The following PSMG2 variants were observed in gnomAD, a reference collection of about 807,000 sequenced individuals.
PSMG2 encodes CD40 ligand-activated specific transcript 3.
PSMG2 carries 21 observed loss-of-function variants against 31.5 expected under a neutral mutation model. The ratio of observed to expected loss-of-function variants is 0.67; its 90% CI spans 0.47 to 0.96. The LOEUF (loss-of-function observed/expected upper bound fraction) is 0.96. Ranked by LOEUF, PSMG2 falls within the 40% of genes least tolerant of loss-of-function variation. The pLI is 0.00. For missense variants in PSMG2, 318 were observed against 321.2 expected (o/e 0.99, Z 0.08); for synonymous variants, 120 against 110.4 (o/e 1.09, Z -0.54).
rs765652085 is a variant in PSMG2 at position 12,683,186 on chromosome 18, C to CAAAAAAAAAAAAAAAAAAAAAA, written c.-36-23346_-36-23345insAAAAAAAAAAAAAAAAAAAAAA. Among the ~76,000 whole-genome samples the CAAAAAAAAAAAAAAAAAAAAAA allele has an allele frequency of 3.0e-4, 19 of 63,670 alleles. 1 individual carries two copies. The highest frequency in any genetic ancestry group is 4.6e-4 in the Non-Finnish European group (15 of 32,436). 41.8% of individuals were successfully genotyped at this position (63,670 alleles called of 152,430 possible). On this transcript the variant is annotated intron_variant, in intron 1 of 6. Coordinates refer to the PSMG2 transcript ENST00000585331. ...GAAACCCCATCTCTACTAAAAATACCAAAAAAAAAAAAAAAAAAGCCAGGC... is the reference window on the plus strand; with the variant it reads ...GAAACCCCATCTCTACTAAAAATACCAAAAAAAAAAAAAAAAAAAAAAAAAAAAAAAAAAAAAAAAGCCAGGC...
intron 1 of PSMG2, chr18:12,661,391 C>CT: frequency 1.0e-6 from 1 of 981,364 alleles, no homozygotes; most frequent in Non-Finnish European, 1.2e-6. Context: ...CACTCAAAGG[C>CT]TACCAGCCAT....
At chr18:12,716,270 T>TA (rs2040375166) in intron 3 of PSMG2, among the ~76,000 whole-genome samples, 1 of 152,212 alleles carries the variant, frequency 6.6e-6, no homozygotes, top group South Asian at 2.1e-4. Flanking sequence ...GTTTTGCAGT[T>TA]AGAGTTGGTA....
At chr18:12,678,307 T>C (rs1013885052) in intron 1 of PSMG2, 2 of 1,614,194 alleles carry the variant, frequency 1.2e-6, no homozygotes, top group African/African-American at 2.7e-5. Flanking sequence ...CACAGGTTTC[T>C]ACTGCATCAG....
chr18:12,725,414 A>T, intron 6 of PSMG2, 25 bp from the exon 7 acceptor site: 2 of 1,505,268 alleles, frequency 1.3e-6, no homozygotes, highest in African/African-American at 1.4e-5. Flanking sequence ...TTTAAAGATT[A>T]AAATATTTTG....
At chr18:12,669,028 C>T (rs1341751682) in intron 1 of PSMG2, among the ~76,000 whole-genome samples, 4 of 121,616 alleles carry the variant, frequency 3.3e-5, no homozygotes, top group East Asian at 2.3e-4. Context: ...CCGCACCCCC[C>T]GCACTTTTTT....
At chr18:12,702,636 G>T (rs187355773), upstream of PSMG2, 2 of 1,432,122 alleles carry the variant, frequency 1.4e-6, no homozygotes, top group East Asian at 2.6e-5. Flanking sequence ...CGTTAGGAGC[G>T]ACTGGAGCAC....
intron 1 of PSMG2, among the ~76,000 whole-genome samples, chr18:12,694,053 A>C (rs1389012962): frequency 6.6e-6 from 1 of 152,038 alleles, no homozygotes; most frequent in Non-Finnish European, 1.5e-5. Context: ...AGCTGGTCCT[A>C]AACTGCTGGA....
intron 1 of PSMG2, among the ~76,000 whole-genome samples, chr18:12,680,235 A>T (rs2039295771): frequency 6.6e-6 from 1 of 152,144 alleles, no homozygotes; most frequent in African/African-American, 2.4e-5. Flanking sequence ...AAAGGCTCTA[A>T]CTAAAATCAT....
intron 1 of PSMG2, 126 bp from the exon 2 acceptor site, chr18:12,706,424 C>G (rs1005146122): frequency 2.2e-6 from 2 of 918,796 alleles, no homozygotes; most frequent in South Asian, 1.5e-5. Flanking sequence ...GAGGCAGAGG[C>G]TGCAGTGAGC....
chr18:12,707,170 G>T (rs2145134088), intron 2 of PSMG2, among the ~76,000 whole-genome samples: 1 of 152,268 alleles, frequency 6.6e-6, no homozygotes, highest in East Asian at 1.9e-4. Context: ...GTGTTAGCCA[G>T]GATGGTCTCA....
chr18:12,699,900 A>T, upstream of PSMG2: 3 of 1,591,454 alleles, frequency 1.9e-6, no homozygotes, highest in Non-Finnish European at 2.6e-6. Context: ...CTTGCTCAAC[A>T]CTGTCCTAGA....
intron 1 of PSMG2, among the ~76,000 whole-genome samples, chr18:12,677,430 C>G (rs1018431380): frequency 2.2e-5 from 3 of 134,524 alleles, no homozygotes; most frequent in Non-Finnish European, 4.6e-5. Flanking sequence ...GCGCTCCAGC[C>G]TGGGTGACAG....
At chr18:12,720,771 G>T in intron 5 of PSMG2, 88 bp downstream of exon 5, 2 of 1,328,516 alleles carry the variant, frequency 1.5e-6, no homozygotes, top group South Asian at 1.5e-5. Context: ...CTGCACTCTA[G>T]CCTGGGTGAC....
chr18:12,709,314 G>A (rs555109745), intron 2 of PSMG2, among the ~76,000 whole-genome samples: 3 of 151,720 alleles, frequency 2.0e-5, no homozygotes, highest in South Asian at 4.2e-4. Context: ...AAAGTGCTGG[G>A]ATTACAGGCG....
chr18:12,717,151 A>G (rs948317), intron 3 of PSMG2, among the ~76,000 whole-genome samples: 4 of 150,070 alleles, frequency 2.7e-5, no homozygotes, highest in Admixed American at 2.0e-4. Context: ...GTCTCACTAT[A>G]TTGCCTAGGC....
chr18:12,721,754 A>AT (rs1038139402), intron 5 of PSMG2, among the ~76,000 whole-genome samples: 1 of 150,382 alleles, frequency 6.6e-6, no homozygotes, highest in Non-Finnish European at 1.5e-5. Context: ...CCTAATCTTT[A>AT]TTTTTTTCCG....
upstream of PSMG2, chr18:12,700,946 A>G (rs760711644): frequency 7.5e-6 from 12 of 1,605,700 alleles, no homozygotes; most frequent in Non-Finnish European, 9.4e-6. Context: ...ATTTCCCTAA[A>G]AGATTACTCA....
intron 1 of PSMG2, chr18:12,678,528 G>T: frequency 2.4e-6 from 2 of 836,306 alleles, no homozygotes; most frequent in Non-Finnish European, 3.7e-6. Flanking sequence ...AACACTTAAG[G>T]CCATAACTAC....
intron 1 of PSMG2, among the ~76,000 whole-genome samples, chr18:12,693,683 T>C (rs1023047628): frequency 6.6e-6 from 1 of 152,024 alleles, no homozygotes; most frequent in Non-Finnish European, 1.5e-5. Context: ...CTCAGGAGAC[T>C]GAGGCAGGAG....
Sources: gnomAD v4.1 joint callset for allele counts (sites outside exome capture counted in the v4.1 genomes callset) on GRCh38, gnomAD v4.1.1 for gene constraint, MANE v1.5 for transcripts, NCBI Gene and HGNC (gene_info 2026-07-23, HGNC 2026-07-21) for gene names.